FER: variants seen among roughly 807,000 people sequenced by gnomAD.
The protein encoded by FER is tyrosine-protein kinase Fer.
FER carries 63 observed loss-of-function variants against 111.0 expected under a neutral mutation model. The observed-to-expected ratio is 0.57, with a 90% CI of 0.46 to 0.70. The LOEUF is 0.70. FER is among the 30% of genes least tolerant of loss of function. The pLI is 0.00. For synonymous variants in FER, 327 were observed against 313.9 expected, an observed-to-expected ratio of 1.04 and a Z score of -0.44; for missense variants, 914 against 954.0, an observed-to-expected ratio of 0.96 and a Z score of 0.55.
chr5:108,884,512 G>GTTTTTTTTTTTTTTTTTTTTTTTTTTTT (rs776345488), intron 9 of FER, among the ~76,000 whole-genome samples: 1 of 144,542 alleles, frequency 6.9e-6, no homozygotes. Flanking sequence ...CTTATGCCTG[G>GTTTTTTTTTTTTTTTTTTTTTTTTTTTT]TTTTTTTTTT....
chr5:109,174,195 G>A (rs1361107164), intron 17 of FER, among the ~76,000 whole-genome samples: 1 of 152,160 alleles, frequency 6.6e-6, no homozygotes, highest in Non-Finnish European at 1.5e-5. Context: ...GAGAAGAGGT[G>A]AGGAACAGTA....
intron 16 of FER, among the ~76,000 whole-genome samples, chr5:109,055,684 G>A (rs1773532032): frequency 6.6e-6 from 1 of 151,172 alleles, no homozygotes; most frequent in Non-Finnish European, 1.5e-5. Flanking sequence ...CTACTCAGGA[G>A]GCTGAGATGG....
chr5:109,025,372 C>T, intron 13 of FER, among the ~76,000 whole-genome samples: 1 of 152,138 alleles, frequency 6.6e-6, no homozygotes, highest in Non-Finnish European at 1.5e-5. Flanking sequence ...ATTTTATTCT[C>T]TTTGGAGCAA....
intron 3 of FER, 64 bp from the exon 4 acceptor site, chr5:108,832,706 T>A: frequency 8.0e-7 from 1 of 1,243,538 alleles, no homozygotes; most frequent in Non-Finnish European, 1.1e-6. Flanking sequence ...TTTTGAACTC[T>A]TAAAGCACAG....
chr5:108,923,542 C>T (rs1753319531), intron 10 of FER, among the ~76,000 whole-genome samples: 1 of 151,826 alleles, frequency 6.6e-6, no homozygotes, highest in African/African-American at 2.4e-5. Context: ...TGTACAATGC[C>T]TGAATATGAT....
Position 108,897,723 on chromosome 5 carries a change from A to C in FER, c.1111A>C (p.Arg371=), listed in dbSNP as rs1287125668. The part of the protein sequence containing the change: ...EELKQSVQQL[R]CTEAKFSAQK... ...ACTGAAACAGTCAGTCCAGCAGCTG[A>C]GATGCACTGAAGCAAAGTTTTCAGC... Residue 371 remains arginine (R), a synonymous_variant, in exon 10 of 20, where the codon AGA becomes CGA. Coordinates refer to ENST00000281092, the MANE Select transcript of FER (RefSeq NM_005246.4). 6.2e-7 allele frequency: 1 copy of C among 1,613,634 alleles called. No individual in the cohort carries two copies. Among genetic ancestry groups the C allele is most frequent in the Admixed American group, 1.7e-5 (1 of 59,976 alleles).
chr5:108,997,753 C>A (rs572099499), intron 13 of FER, among the ~76,000 whole-genome samples: 2 of 152,216 alleles, frequency 1.3e-5, no homozygotes, highest in South Asian at 4.1e-4. Context: ...CCCAGGTGCT[C>A]TGTTTCATGA....
At chr5:109,006,479 A>G (rs1765522198) in intron 13 of FER, among the ~76,000 whole-genome samples, 1 of 152,172 alleles carries the variant, frequency 6.6e-6, no homozygotes, top group South Asian at 2.1e-4. Flanking sequence ...AGGCCTCCCC[A>G]GCTATGTGGA....
At position 108,840,057 on chromosome 5, in the gene FER, T is replaced by G. The variant is rs183225651; in HGVS notation, c.481+4250T>G. Among the ~76,000 whole-genome samples the G allele has an allele frequency of 2.0e-5, 3 of 152,296 alleles. No homozygotes were observed. In the East Asian group the frequency reaches 5.8e-4, roughly 29 times the overall value. ...GAAATTAGAAGGATGGGACAGTGAA[T>G]ATGCATACTGGATTCAACAAGTATT... On this transcript the variant is annotated intron_variant, in intron 5 of 19. Transcript: ENST00000281092.
intron 2 of FER, among the ~76,000 whole-genome samples, chr5:108,792,383 A>G (rs1395185206): frequency 1.3e-5 from 2 of 152,204 alleles, no homozygotes; most frequent in Admixed American, 1.3e-4. Flanking sequence ...CTTGTTGCCC[A>G]GGCTGGAGTG....
intron 13 of FER, among the ~76,000 whole-genome samples, chr5:109,010,347 C>T (rs188428203): frequency 1.3e-5 from 2 of 152,036 alleles, no homozygotes; most frequent in Non-Finnish European, 2.9e-5. Flanking sequence ...TTAGTAGAGA[C>T]GGGGTTTGAC....
chr5:108,786,676 AT>A (rs1375257005), intron 2 of FER, among the ~76,000 whole-genome samples: 2 of 151,866 alleles, frequency 1.3e-5, no homozygotes, highest in Non-Finnish European at 2.9e-5. Flanking sequence ...AATTTTTTGT[AT>A]GTTTAGTGGA....
At chr5:109,040,803 G>A (rs547397117) in intron 14 of FER, among the ~76,000 whole-genome samples, 36 of 152,228 alleles carry the variant, frequency 2.4e-4, no homozygotes, top group Middle Eastern at 6.8e-3. Flanking sequence ...TTAAGAGAGA[G>A]GGATGAACAT....
At chr5:109,080,525 A>G (rs2150018751) in intron 16 of FER, among the ~76,000 whole-genome samples, 1 of 152,266 alleles carries the variant, frequency 6.6e-6, no homozygotes, top group Admixed American at 6.5e-5. Context: ...TCTTTTGTTG[A>G]ATCAAGGAGT....
intron 5 of FER, among the ~76,000 whole-genome samples, chr5:108,844,501 A>G (rs1204116044): frequency 1.3e-5 from 2 of 152,192 alleles, no homozygotes; most frequent in Admixed American, 6.5e-5. Flanking sequence ...TACAGTTAAC[A>G]TACAACAGAC....
intron 1 of FER, among the ~76,000 whole-genome samples, chr5:108,755,409 AT>A (rs760461379): frequency 6.6e-6 from 1 of 152,152 alleles, no homozygotes; most frequent in Non-Finnish European, 1.5e-5. Context: ...GCTTCCGTGG[AT>A]TGATGGGGCT....
chr5:108,882,562 A>G (rs4560594), intron 8 of FER, among the ~76,000 whole-genome samples: 34,301 of 151,670 alleles, frequency 0.23, 4,076 homozygotes, highest in African/African-American at 0.28. Context: ...GTTTTTCTGC[A>G]CGAAAAGGGC....
chr5:108,994,096 T>C (rs1475572394), intron 13 of FER, among the ~76,000 whole-genome samples: 1 of 152,252 alleles, frequency 6.6e-6, no homozygotes, highest in Non-Finnish European at 1.5e-5. Flanking sequence ...TGATGATAGT[T>C]CCTTTTGCTG....
intron 13 of FER, among the ~76,000 whole-genome samples, chr5:108,992,230 A>G (rs1340870252): frequency 1.3e-5 from 2 of 152,138 alleles, no homozygotes; most frequent in Non-Finnish European, 2.9e-5. Flanking sequence ...AGGCAGAAGA[A>G]TTTTTCTAGT....
Sources: gnomAD v4.1 joint callset for allele counts (sites outside exome capture counted in the v4.1 genomes callset) on GRCh38, gnomAD v4.1.1 for gene constraint, MANE v1.5 for transcripts, NCBI Gene and HGNC (gene_info 2026-07-23, HGNC 2026-07-21) for gene names.